Variants in SH3GL2 observed in about 807,000 individuals in gnomAD.
The protein encoded by SH3GL2 is endophilin-A1.
In SH3GL2, 24 loss-of-function variants were observed where a neutral mutation model predicts 46.0. The observed-to-expected ratio is 0.52, with a 90% CI of 0.38 to 0.73. SH3GL2 has a LOEUF of 0.73. Ranked by LOEUF, SH3GL2 falls within the 30% of genes least tolerant of loss-of-function variation. SH3GL2 has a pLI of 0.00. For missense variants in SH3GL2, 413 were observed against 424.2 expected (o/e 0.97, Z 0.23); for synonymous variants, 196 against 147.1 (o/e 1.33, Z -2.40).
At chr9:17,755,473 T>A (rs1446164539) in intron 2 of SH3GL2, among the ~76,000 whole-genome samples, 2 of 152,172 alleles carry the variant, frequency 1.3e-5, no homozygotes, top group African/African-American at 4.8e-5. Context: ...GTGGCTAATT[T>A]TAAAATCTTT....
intron 1 of SH3GL2, among the ~76,000 whole-genome samples, chr9:17,646,484 G>T (rs1169337391): frequency 1.3e-5 from 2 of 152,076 alleles, no homozygotes; most frequent in African/African-American, 2.4e-5. Flanking sequence ...CAGCCTTGTT[G>T]CGCTGGTTTT....
intron 1 of SH3GL2, among the ~76,000 whole-genome samples, chr9:17,596,235 T>G (rs989764115): frequency 3.9e-5 from 6 of 152,232 alleles, no homozygotes; most frequent in Admixed American, 1.3e-4. Flanking sequence ...CTGCTTGGGT[T>G]TCTTCTGAAT....
chr9:17,790,231 C>A (rs1262521340), intron 6 of SH3GL2: 1 of 155,918 alleles, frequency 6.4e-6, no homozygotes, highest in Admixed American at 6.5e-5. Flanking sequence ...GTCTCCACCC[C>A]CATAGGGAAG....
intron 2 of SH3GL2, among the ~76,000 whole-genome samples, chr9:17,758,561 C>CAAAAAAAAAAAAA (rs57019804): frequency 0.01 from 302 of 29,222 alleles, 88 homozygotes; most frequent in Non-Finnish European, 0.019. Context: ...GACCCTGTCT[C>CAAAAAAAAAAAAA]AAAAAAAAAA....
chr9:17,737,883 T>C (rs561288096), intron 1 of SH3GL2, among the ~76,000 whole-genome samples: 2 of 152,098 alleles, frequency 1.3e-5, no homozygotes, highest in African/African-American at 4.8e-5. Flanking sequence ...TAGGAACTTC[T>C]GTGTAATAAA....
chr9:17,659,433 T>G (rs564629106), intron 1 of SH3GL2, among the ~76,000 whole-genome samples: 8 of 152,232 alleles, frequency 5.3e-5, no homozygotes, highest in Admixed American at 5.2e-4. Flanking sequence ...ATGTCAGCCA[T>G]TGAAGTAAGT....
At chr9:17,773,507 C>A (rs1183765952) in intron 3 of SH3GL2, among the ~76,000 whole-genome samples, 1 of 151,942 alleles carries the variant, frequency 6.6e-6, no homozygotes, top group East Asian at 1.9e-4. Flanking sequence ...GAAAAAGGTC[C>A]AAATTCATTT....
intron 1 of SH3GL2, among the ~76,000 whole-genome samples, chr9:17,634,330 A>G (rs1237019240): frequency 6.6e-6 from 1 of 151,926 alleles, no homozygotes; most frequent in Non-Finnish European, 1.5e-5. Context: ...ATGAGAAATC[A>G]GAAAAATACA....
chr9:17,758,300 C>T (rs552895063), intron 2 of SH3GL2, among the ~76,000 whole-genome samples: 1 of 152,176 alleles, frequency 6.6e-6, no homozygotes, highest in East Asian at 1.9e-4. Flanking sequence ...GTGACTCATG[C>T]CTGTAATCCC....
chr9:17,725,583 C>T (rs1822001180), intron 1 of SH3GL2, among the ~76,000 whole-genome samples: 1 of 152,162 alleles, frequency 6.6e-6, no homozygotes, highest in South Asian at 2.1e-4. Context: ...TGCACAGAAT[C>T]TCTGTGGCAC....
At chr9:17,648,723 T>G (rs1819885983) in intron 1 of SH3GL2, among the ~76,000 whole-genome samples, 1 of 152,210 alleles carries the variant, frequency 6.6e-6, no homozygotes. Flanking sequence ...ATGTTTGTGT[T>G]GGCAGATCTC....
intron 3 of SH3GL2, among the ~76,000 whole-genome samples, chr9:17,785,538 G>A (rs1823931457): frequency 6.6e-6 from 1 of 152,114 alleles, no homozygotes; most frequent in Non-Finnish European, 1.5e-5. Flanking sequence ...ATTGAAGATG[G>A]GATTTGGGGT....
chr9:17,694,378 A>G (rs1281395913), intron 1 of SH3GL2, among the ~76,000 whole-genome samples: 2 of 152,112 alleles, frequency 1.3e-5, no homozygotes. Flanking sequence ...CTATTTTTTA[A>G]TGCTAATAAG....
intron 1 of SH3GL2, among the ~76,000 whole-genome samples, chr9:17,744,606 G>A (rs530908715): frequency 3.3e-5 from 5 of 152,206 alleles, no homozygotes; most frequent in African/African-American, 1.2e-4. Context: ...GGGCTCAAGC[G>A]ATCCTCCTGC....
intron 1 of SH3GL2, among the ~76,000 whole-genome samples, chr9:17,591,477 A>C (rs553961416): frequency 1.3e-5 from 2 of 152,210 alleles, no homozygotes; most frequent in African/African-American, 2.4e-5. Flanking sequence ...AAAAGAACTT[A>C]TTTAGATTAC....
chr9:17,607,962 T>G (rs543042866), intron 1 of SH3GL2, among the ~76,000 whole-genome samples: 2 of 152,132 alleles, frequency 1.3e-5, no homozygotes, highest in African/African-American at 4.8e-5. Context: ...AGGCATACAA[T>G]TATATGAAAT....
chr9:17,701,578 T>C (rs16935898), intron 1 of SH3GL2, among the ~76,000 whole-genome samples: 152 of 152,178 alleles, frequency 1.0e-3, no homozygotes, highest in African/African-American at 3.3e-3. Context: ...ATGGGAGCAA[T>C]TGAAACAACA....
intron 1 of SH3GL2, among the ~76,000 whole-genome samples, chr9:17,680,731 A>T (rs992109050): frequency 3.8e-4 from 57 of 151,884 alleles, no homozygotes; most frequent in African/African-American, 1.2e-3. Flanking sequence ...TAGGGTGTGA[A>T]TTTTAGATCT....
At chr9:17,673,617 G>C (rs1349138316) in intron 1 of SH3GL2, among the ~76,000 whole-genome samples, 1 of 152,066 alleles carries the variant, frequency 6.6e-6, no homozygotes, top group Non-Finnish European at 1.5e-5. Flanking sequence ...TCTTTGACTT[G>C]ACCTACTAGC....
Sources: gnomAD v4.1 joint callset for allele counts (sites outside exome capture counted in the v4.1 genomes callset) on GRCh38, gnomAD v4.1.1 for gene constraint, MANE v1.5 for transcripts, NCBI Gene and HGNC (gene_info 2026-07-23, HGNC 2026-07-21) for gene names.